The following ADORA2A variants were observed in gnomAD, a reference collection of about 807,000 sequenced individuals.
ADORA2A encodes adenosine A2a receptor.
Under a neutral mutation model 18.4 loss-of-function variants are expected in ADORA2A, and 11 were observed. That is an observed-to-expected ratio of 0.60 (90% CI 0.38 to 0.99). The LOEUF is 0.99. Ranked by LOEUF, ADORA2A falls within the 50% of genes least tolerant of loss-of-function variation. The pLI is 0.01. For synonymous variants in ADORA2A, 218 were observed against 237.3 expected, an observed-to-expected ratio of 0.92 and a Z score of 0.75; for missense variants, 449 against 556.1, an observed-to-expected ratio of 0.81 and a Z score of 1.94.
At chr22:24,435,981 T>C (rs573810587) in intron 2 of ADORA2A, among the ~76,000 whole-genome samples, 2 of 152,324 alleles carry the variant, frequency 1.3e-5, no homozygotes, top group South Asian at 4.1e-4. Flanking sequence ...GCTCAGCATC[T>C]CCTGTCATCC....
At chr22:24,435,993 C>T (rs2043164300) in intron 2 of ADORA2A, among the ~76,000 whole-genome samples, 1 of 152,226 alleles carries the variant, frequency 6.6e-6, no homozygotes, top group East Asian at 1.9e-4. Flanking sequence ...CTGTCATCCT[C>T]TTGGCCTGCA....
chr22:24,439,839 T>G (rs1313562037), intron 2 of ADORA2A, among the ~76,000 whole-genome samples: 2 of 152,154 alleles, frequency 1.3e-5, no homozygotes, highest in Non-Finnish European at 2.9e-5. Flanking sequence ...TTGCAAATGT[T>G]AAGATGGCCA....
chr22:24,436,578 C>G (rs1386092939), intron 2 of ADORA2A, among the ~76,000 whole-genome samples: 1 of 152,176 alleles, frequency 6.6e-6, no homozygotes, highest in Non-Finnish European at 1.5e-5. Flanking sequence ...GTGAGAGACA[C>G]AGGCTTCTTT....
At chr22:24,439,155 GCTCA>G (rs1263333382) in intron 2 of ADORA2A, 1 of 140,038 alleles carries the variant, frequency 7.1e-6, no homozygotes, top group Non-Finnish European at 1.5e-5. Flanking sequence ...CGCGATCTTG[GCTCA>G]CTGCAAGCTC....
upstream of ADORA2A, among the ~76,000 whole-genome samples, chr22:24,425,345 C>G (rs992173656): frequency 1.1e-4 from 15 of 132,594 alleles, 1 homozygote; most frequent in East Asian, 2.3e-4. Flanking sequence ...GCACCCCCCC[C>G]CCCCCCGCCC....
chr22:24,433,486 T>C lies in ADORA2A; in HGVS notation c.82T>C (p.Cys28Arg), dbSNP rs1432789548. 1 of 1,614,062 alleles carries C rather than the reference T, an allele frequency of 6.2e-7. No individual in the cohort carries two copies. Among genetic ancestry groups the C allele is most frequent in the Non-Finnish European group, 8.5e-7 (1 of 1,180,052 alleles). ...GGCCATCCTGGGCAATGTGCTGGTG[T>C]GCTGGGCCGTGTGGCTCAACAGCAA... ...VLAILGNVLV[C>R]WAVWLNSNLQ... The change falls in exon 2 of 3, where the codon TGC becomes CGC. Residue 28 changes from cysteine (C) to arginine (R), a missense_variant. Physicochemically the swap from Cys to Arg is radical, Grantham distance 180. Transcript: ENST00000337539.
intron 2 of ADORA2A, 39 bp downstream of exon 2, chr22:24,433,775 G>A: frequency 6.4e-7 from 1 of 1,570,496 alleles, no homozygotes. Context: ...AAAGGCTGTT[G>A]GTGCCCAGGC....
In ADORA2A at chr22:24,440,474, G is replaced by C; in HGVS notation, c.333-109G>C. On this transcript the variant is annotated intron_variant, in intron 2 of 2. Coordinates refer to ENST00000337539, the MANE Select transcript of ADORA2A (RefSeq NM_000675.6). ...AGGTGGCAGGAAATGACTGGTCCAA[G>C]ACCTTACAGTCAGGAAATGTGGAAA... The C allele has an allele frequency of 8.0e-6, 9 of 1,125,754 alleles. No individual in the cohort carries two copies. In the South Asian group the frequency reaches 1.2e-4, roughly 15 times the overall value. The allele number at this position is 1,125,754 out of a possible 1,614,324, so 69.7% of individuals were successfully genotyped here. A position where few individuals can be genotyped will look rare whatever the true frequency, so the allele number is the denominator to read the frequency against.
upstream of ADORA2A, among the ~76,000 whole-genome samples, chr22:24,425,709 C>A (rs1479612311): frequency 6.6e-6 from 1 of 152,194 alleles, no homozygotes; most frequent in Non-Finnish European, 1.5e-5. Flanking sequence ...TGCCCTGCGT[C>A]GCGATGGAGG....
In ADORA2A at chr22:24,433,465, A is replaced by G. The variant is rs200559878; in HGVS notation, c.61A>G (p.Ile21Val). 2.7e-5 allele frequency: 43 copies of G among 1,614,104 alleles called. 1 individual carries two copies. In the South Asian group the frequency reaches 4.6e-4, roughly 17 times the overall value. The part of the protein sequence containing the change: ...TVELAIAVLA[I>V]LGNVLVCWAV... ...GGAGCTGGCCATTGCTGTGCTGGCC[A>G]TCCTGGGCAATGTGCTGGTGTGCTG... Residue 21 changes from isoleucine (I) to valine (V), a missense_variant, in exon 2 of 3, where the codon ATC becomes GTC. Ile to Val is a conservative substitution (Grantham distance 29). Transcript: ENST00000337539.
intron 1 of ADORA2A, chr22:24,431,698 A>G: frequency 2.8e-6 from 1 of 355,518 alleles, no homozygotes; most frequent in Non-Finnish European, 5.6e-6. Flanking sequence ...TGGAGGGGGT[A>G]GATTTGGGGG....
At chr22:24,437,287 C>G (rs1406101696) in intron 2 of ADORA2A, among the ~76,000 whole-genome samples, 1 of 152,206 alleles carries the variant, frequency 6.6e-6, no homozygotes, top group Non-Finnish European at 1.5e-5. Flanking sequence ...CTGGGCACCC[C>G]AGAGTGGTGG....
At chr22:24,427,833 TG>T in intron 1 of ADORA2A, 87 bp downstream of exon 1, 1 of 151,860 alleles carries the variant, frequency 6.6e-6, no homozygotes, top group Non-Finnish European at 1.5e-5. Context: ...GAGCAGGAGC[TG>T]GGGCCCCCAG....
At chr22:24,432,166 TC>T (rs1203379113) in intron 1 of ADORA2A, 2 of 153,332 alleles carry the variant, frequency 1.3e-5, no homozygotes, top group Non-Finnish European at 2.9e-5. Context: ...GAGTGGAAGC[TC>T]ACAGTCAGCT....
intron 1 of ADORA2A, chr22:24,431,697 T>G (rs1601403912): frequency 2.8e-6 from 1 of 354,234 alleles, no homozygotes; most frequent in Admixed American, 3.8e-5. Flanking sequence ...TTGGAGGGGG[T>G]AGATTTGGGG....
Position 24,440,628 on chromosome 22 carries a change from C to T in ADORA2A, c.378C>T (p.Ala126=). 1.3e-6 allele frequency: 2 copies of T among 1,594,432 alleles called. No homozygotes were observed. Among genetic ancestry groups the T allele is most frequent in the Non-Finnish European group, 1.7e-6 (2 of 1,167,692 alleles). The part of the protein sequence containing the change: ...VTGTRAKGII[A]ICWVLSFAIG... ...GCACGAGGGCTAAGGGCATCATTGC[C>T]ATCTGCTGGGTGCTGTCGTTTGCCA... Residue 126 remains alanine, a synonymous_variant, in exon 3 of 3, where the codon GCC becomes GCT. Coordinates refer to ENST00000337539, the MANE Select transcript of ADORA2A (RefSeq NM_000675.6).
intron 1 of ADORA2A, among the ~76,000 whole-genome samples, chr22:24,428,795 G>A (rs1003896751): frequency 2.6e-5 from 4 of 152,176 alleles, no homozygotes; most frequent in South Asian, 2.1e-4. Context: ...GGCAGCAGCC[G>A]CCTCCCAGGA....
chr22:24,441,973 AC>A lies in ADORA2A; in HGVS notation c.*487del, dbSNP rs2146933389. ...CCAGGAAAAATGTAAGTGTGAGGAAACCCTTTTTATTTTATTACCTTTCACT... is the reference window on the plus strand; with the variant it reads ...CCAGGAAAAATGTAAGTGTGAGGAAACCTTTTTATTTTATTACCTTTCACT... On this transcript the variant is annotated 3_prime_UTR_variant, in exon 3 of 3. Coordinates refer to ENST00000337539, the MANE Select transcript of ADORA2A (RefSeq NM_000675.6). 6.5e-6 allele frequency: 1 copy of A among 154,110 alleles called. No individual in the cohort carries two copies. The highest frequency in any genetic ancestry group is 1.9e-4 in the East Asian group (1 of 5,278). 9.5% of individuals were successfully genotyped at this position (154,110 alleles called of 1,614,324 possible).
At chr22:24,429,564 CA>C (rs1486330893) in intron 1 of ADORA2A, 5 of 152,258 alleles carry the variant, frequency 3.3e-5, no homozygotes, top group African/African-American at 1.2e-4. Context: ...ACCTTCCTGT[CA>C]CTCTGGGAGG....
Sources: allele counts gnomAD v4.1 joint callset (sites outside exome capture counted in the v4.1 genomes callset), GRCh38; gene constraint gnomAD v4.1.1; transcripts MANE v1.5; gene names NCBI Gene and HGNC (gene_info 2026-07-23, HGNC 2026-07-21).